FERMT1: variants seen among roughly 807,000 people sequenced by gnomAD.
The protein encoded by FERMT1 is FERM domain containing kindlin 1, also known as fermitin family homolog 1.
Under a neutral mutation model 85.3 loss-of-function variants are expected in FERMT1, and 60 were observed. That is an observed-to-expected ratio of 0.70 (90% CI 0.57 to 0.87). The LOEUF is 0.87. Ranked by LOEUF, FERMT1 falls within the 40% of genes least tolerant of loss-of-function variation. The pLI is 0.00. For missense variants in FERMT1, 701 were observed against 818.9 expected (o/e 0.86, Z 1.76); for synonymous variants, 275 against 301.1 (o/e 0.91, Z 0.90).
At position 6,075,697 on chromosome 20, in the gene FERMT1, C is replaced by T. The variant is rs868072330; in HGVS notation, c.*1476G>A. The T allele has an allele frequency of 6.6e-5, 10 of 152,368 alleles. No individual in the cohort carries two copies. The highest frequency in any genetic ancestry group is 6.5e-4 in the Admixed American group (10 of 15,290). The allele number at this position is 152,368 out of a possible 1,614,324, so 9.4% of individuals were successfully genotyped here. A position where few individuals can be genotyped will look rare whatever the true frequency, so the allele number is the denominator to read the frequency against. On this transcript the variant is annotated 3_prime_UTR_variant, in exon 15 of 15. Coordinates refer to ENST00000217289, the MANE Select transcript of FERMT1 (RefSeq NM_017671.5). ...GCTTTGATGGAAAATAAAGCAACAGCTGACGCTCACGGGCCTCGGAACTCT... is the reference window on the plus strand; with the variant it reads ...GCTTTGATGGAAAATAAAGCAACAGTTGACGCTCACGGGCCTCGGAACTCT...
At chr20:6,080,175 A>G (rs1394948464) in intron 13 of FERMT1, among the ~76,000 whole-genome samples, 1 of 152,192 alleles carries the variant, frequency 6.6e-6, no homozygotes, top group Non-Finnish European at 1.5e-5. Flanking sequence ...TAATGTGCTT[A>G]AGGACCTGCC....
rs550051107 is a variant in FERMT1 at position 6,078,391 on chromosome 20, C to T, written c.1860+1045G>A. On this transcript the variant is annotated intron_variant, in intron 14 of 14. Transcript: ENST00000217289. Reference sequence around the variant, plus strand: ...GTGTGGGTCTCTTACCATCCCTCTACGTCAGTGACTTTCTATTGGAAAATG... The same window carrying T: ...GTGTGGGTCTCTTACCATCCCTCTATGTCAGTGACTTTCTATTGGAAAATG... Among the ~76,000 whole-genome samples the T allele has an allele frequency of 9.2e-5, 14 of 152,316 alleles. No homozygotes were observed. The South Asian group carries it at 1.2e-3, about 14-fold the overall frequency.
rs561561080 is a variant in FERMT1, at chr20:6,118,130, C to G, written c.151+1274G>C. 3.3e-5 allele frequency among the ~76,000 whole-genome samples: 5 copies of G among 152,256 alleles called. No homozygotes were observed. The South Asian group carries it at 1.0e-3, about 32-fold the overall frequency. The stretch of plus-strand genomic sequence containing the variant: ...TTCTGTAAGTGCATGAAAATGTAAA[C>G]AACCCAAATGTCCATTAAGAGGTAA... On this transcript the variant is annotated intron_variant, in intron 2 of 14. Transcript: ENST00000217289.
Position 6,096,920 on chromosome 20 carries a change from TC to T in FERMT1, c.1070del (p.Gly357GlufsTer45). On this transcript the variant is annotated frameshift_variant, in exon 8 of 15. Transcript: ENST00000217289. LOFTEE classifies it high-confidence loss of function. Reference sequence around the variant, plus strand: ...TTCATACCAAAAGGCTGTCCGCTTTTCCACCTTCTAGGGTTACTTCCAAATT... The same window carrying T: ...TTCATACCAAAAGGCTGTCCGCTTTTCACCTTCTAGGGTTACTTCCAAATT... Reference protein sequence around the residue: ...LSNLEVTLEGGKADSLLEDIT... With the variant: ...LSNLEVTLEGXKADSLLEDIT... The T allele has an allele frequency of 6.2e-7, 1 of 1,613,836 alleles. No homozygotes were observed. The highest frequency in any genetic ancestry group is 8.5e-7 in the Non-Finnish European group (1 of 1,179,870).
intron 6 of FERMT1, among the ~76,000 whole-genome samples, chr20:6,103,767 GTTTT>G (rs66482243): frequency 2.0e-5 from 2 of 102,044 alleles, no homozygotes; most frequent in East Asian, 3.2e-4. Flanking sequence ...CTTTGTTATA[GTTTT>G]TTTTTTTTTT....
chr20:6,106,156 G>A (rs1982791028), intron 6 of FERMT1, among the ~76,000 whole-genome samples: 1 of 152,146 alleles, frequency 6.6e-6, no homozygotes, highest in Admixed American at 6.6e-5. Flanking sequence ...ATTTCTCCTG[G>A]AGATTTTATC....
At chr20:6,089,440 C>A (rs1257049106) in intron 9 of FERMT1, among the ~76,000 whole-genome samples, 1 of 152,154 alleles carries the variant, frequency 6.6e-6, no homozygotes, top group East Asian at 1.9e-4. Flanking sequence ...AGTTCATCTA[C>A]ATGAAGAGCT....
chr20:6,122,348 T>C (rs1807122572), intron 1 of FERMT1, among the ~76,000 whole-genome samples: 1 of 152,156 alleles, frequency 6.6e-6, no homozygotes, highest in South Asian at 2.1e-4. Flanking sequence ...GGCAGAGTGC[T>C]GAAAAGCCCT....
At position 6,076,810 on chromosome 20, in the gene FERMT1, A is replaced by C. The variant is rs545057383; in HGVS notation, c.*363T>G. 2.9e-4 allele frequency: 108 copies of C among 368,858 alleles called. No individual in the cohort carries two copies. Among genetic ancestry groups the C allele is most frequent in the South Asian group, 2.7e-3 (108 of 39,650 alleles). The allele number at this position is 368,858 out of a possible 1,614,324, so 22.8% of individuals were successfully genotyped here. On this transcript the variant is annotated 3_prime_UTR_variant, in exon 15 of 15. Transcript: ENST00000217289. ...TGATTTTTACCTTTCTGTCTTCTCC[A>C]TTGACTTAGTAATGAGACAGATCAG...
chr20:6,091,648 A>C lies in FERMT1; in HGVS notation c.1140-2559T>G, dbSNP rs545924664. ...ATACAGGTAATAAGGTCTTGGTTTA[A>C]TCTTCAGCCTCTAAATATTTCTCTT... On this transcript the variant is annotated intron_variant, in intron 9 of 14. Coordinates refer to ENST00000217289, the MANE Select transcript of FERMT1 (RefSeq NM_017671.5). 3.2e-4 allele frequency among the ~76,000 whole-genome samples: 49 copies of C among 152,346 alleles called. No individual in the cohort carries two copies. The Middle Eastern group carries it at 0.014, about 43-fold the overall frequency.
intron 2 of FERMT1, among the ~76,000 whole-genome samples, chr20:6,116,587 G>T (rs1983107987): frequency 1.3e-5 from 2 of 151,936 alleles, no homozygotes; most frequent in Admixed American, 1.3e-4. Flanking sequence ...AATTAGCCAG[G>T]TGTGGTGGTG....
At chr20:6,086,552 CT>C (rs970059007) in intron 11 of FERMT1, among the ~76,000 whole-genome samples, 2 of 152,194 alleles carry the variant, frequency 1.3e-5, no homozygotes, top group African/African-American at 4.8e-5. Context: ...TTCACTGCCC[CT>C]GATAAGGTTT....
chr20:6,096,202 A>G (rs1442748933), intron 8 of FERMT1, among the ~76,000 whole-genome samples: 1 of 152,254 alleles, frequency 6.6e-6, no homozygotes, highest in Non-Finnish European at 1.5e-5. Flanking sequence ...ATGGATGACC[A>G]AGTAAATAGA....
In FERMT1 at chr20:6,105,149, A is replaced by C. The variant is rs915365024; in HGVS notation, c.849+2383T>G. ...AGGACTTGATTGTCTATTTGTAGAA[A>C]AAAATCCACAGATGTGGTGTGATTA... On this transcript the variant is annotated intron_variant, in intron 6 of 14. Transcript: ENST00000217289. Among the ~76,000 whole-genome samples, 9 of 152,352 alleles carry C rather than the reference A, an allele frequency of 5.9e-5. No homozygotes were observed. The South Asian group carries it at 8.3e-4, about 14-fold the overall frequency.
chr20:6,101,777 C>T (rs539242005), intron 6 of FERMT1, among the ~76,000 whole-genome samples: 39 of 152,162 alleles, frequency 2.6e-4, no homozygotes, highest in Non-Finnish European at 4.6e-4. Flanking sequence ...CTCAGCTTCC[C>T]GAGTAGCTGG....
At chr20:6,095,776 G>A (rs967566496) in intron 8 of FERMT1, among the ~76,000 whole-genome samples, 1 of 152,186 alleles carries the variant, frequency 6.6e-6, no homozygotes, top group East Asian at 1.9e-4. Flanking sequence ...GAATCTTGGC[G>A]TTTAGTTTGC....
intron 3 of FERMT1, among the ~76,000 whole-genome samples, chr20:6,113,157 G>A (rs746934589): frequency 6.6e-6 from 1 of 152,070 alleles, no homozygotes; most frequent in East Asian, 1.9e-4. Context: ...GAGATCTGAT[G>A]GTTTTATAGG....
chr20:6,103,376 C>T (rs966461525), intron 6 of FERMT1, among the ~76,000 whole-genome samples: 5 of 152,092 alleles, frequency 3.3e-5, no homozygotes, highest in Admixed American at 6.5e-5. Flanking sequence ...ATATAATAAC[C>T]GCCCCTGTAT....
chr20:6,090,945 CTT>C lies in FERMT1; in HGVS notation c.1140-1858_1140-1857del, dbSNP rs1230330931. On this transcript the variant is annotated intron_variant, in intron 9 of 14. Transcript: ENST00000217289. ...TTGGGAGGCCGAGGCAGGCTGATCA[CTT>C]GAGCTCAGGAGTTTGAGACCAGTCT... Among the ~76,000 whole-genome samples, 28 of 152,056 alleles carry C rather than the reference CTT, an allele frequency of 1.8e-4. No individual in the cohort carries two copies. In the East Asian group the frequency reaches 5.1e-3, roughly 28 times the overall value.
Sources: gnomAD v4.1 joint callset for allele counts (sites outside exome capture counted in the v4.1 genomes callset) on GRCh38, gnomAD v4.1.1 for gene constraint, MANE v1.5 for transcripts, NCBI Gene and HGNC (gene_info 2026-07-23, HGNC 2026-07-21) for gene names.